The following CPNE4 variants were observed in gnomAD, a reference collection of about 807,000 sequenced individuals.
The protein encoded by CPNE4 is copine-4.
A neutral mutation model predicts 67.9 loss-of-function variants in CPNE4; 25 were observed. That is an observed-to-expected ratio of 0.37 (90% CI 0.27 to 0.51). The LOEUF (loss-of-function observed/expected upper bound fraction) is 0.51. CPNE4 is among the 20% of genes least tolerant of loss of function. The probability of loss-of-function intolerance (pLI) is 0.93; values close to 1 mark genes in which losing one functional copy is unlikely to be tolerated. For synonymous variants in CPNE4, 242 were observed against 244.9 expected (o/e 0.99, Z 0.11); for missense variants, 464 against 690.8 (o/e 0.67, Z 3.68).
intron 1 of CPNE4, among the ~76,000 whole-genome samples, chr3:131,967,941 T>C (rs2072398199): frequency 6.6e-6 from 1 of 152,152 alleles, no homozygotes; most frequent in African/African-American, 2.4e-5. Flanking sequence ...GGCATCATGC[T>C]ACCTCACTTC....
intron 2 of CPNE4, among the ~76,000 whole-genome samples, chr3:131,804,944 T>C (rs766143424): frequency 4.6e-5 from 7 of 152,240 alleles, no homozygotes; most frequent in Non-Finnish European, 1.0e-4. Flanking sequence ...ACTCACATAA[T>C]AGTGAGTTAA....
intron 2 of CPNE4, among the ~76,000 whole-genome samples, chr3:131,781,087 T>A (rs574548372): frequency 1.3e-5 from 2 of 151,500 alleles, no homozygotes; most frequent in Admixed American, 1.3e-4. Flanking sequence ...ATGAGGTGGC[T>A]GTGACAAAAA....
intron 1 of CPNE4, among the ~76,000 whole-genome samples, chr3:132,000,747 T>C (rs975388258): frequency 4.0e-4 from 60 of 151,650 alleles, no homozygotes; most frequent in African/African-American, 1.4e-3. Context: ...AACAGTAGCA[T>C]TTTAAATACA....
At chr3:131,554,734 A>C (rs1460037156) in intron 12 of CPNE4, among the ~76,000 whole-genome samples, 1 of 152,030 alleles carries the variant, frequency 6.6e-6, no homozygotes, top group Non-Finnish European at 1.5e-5. Flanking sequence ...AGAGAAATTG[A>C]GGATTGGGCA....
intron 6 of CPNE4, among the ~76,000 whole-genome samples, chr3:131,680,906 G>A (rs563012802): frequency 6.6e-6 from 1 of 152,260 alleles, no homozygotes; most frequent in South Asian, 2.1e-4. Context: ...CTGTAAGTGA[G>A]AACATATAAT....
intron 1 of CPNE4, among the ~76,000 whole-genome samples, chr3:132,011,366 C>T (rs886987683): frequency 3.9e-5 from 6 of 152,188 alleles, no homozygotes; most frequent in Non-Finnish European, 1.5e-5. Context: ...CACAGGATTC[C>T]TTGTAAAAAA....
intron 1 of CPNE4, among the ~76,000 whole-genome samples, chr3:132,032,972 C>T (rs983813267): frequency 6.6e-6 from 1 of 152,236 alleles, no homozygotes; most frequent in Non-Finnish European, 1.5e-5. Context: ...GGATTCAAAA[C>T]ACCTGTGTCA....
chr3:131,885,320 T>C (rs1316110619), intron 2 of CPNE4, among the ~76,000 whole-genome samples: 1 of 144,952 alleles, frequency 6.9e-6, no homozygotes, highest in Non-Finnish European at 1.5e-5. Context: ...TTAGGGTATC[T>C]GGTGGGAGAA....
At chr3:131,760,021 T>G (rs1415580695) in intron 2 of CPNE4, among the ~76,000 whole-genome samples, 1 of 152,188 alleles carries the variant, frequency 6.6e-6, no homozygotes, top group Non-Finnish European at 1.5e-5. Context: ...ATAAAGAAAA[T>G]TCTTTGCCAT....
At chr3:131,537,788 A>C (rs1210011237) in intron 15 of CPNE4, 4 of 157,804 alleles carry the variant, frequency 2.5e-5, no homozygotes, top group African/African-American at 7.2e-5. Flanking sequence ...AGCAAAGGGA[A>C]TCACAATGTG....
chr3:131,816,211 G>A (rs2084735502), intron 2 of CPNE4, among the ~76,000 whole-genome samples: 1 of 152,106 alleles, frequency 6.6e-6, no homozygotes, highest in African/African-American at 2.4e-5. Flanking sequence ...CCAAGTTTAG[G>A]ACAATAGGTT....
At chr3:131,866,492 C>T (rs1342383178) in intron 2 of CPNE4, among the ~76,000 whole-genome samples, 1 of 152,164 alleles carries the variant, frequency 6.6e-6, no homozygotes, top group East Asian at 1.9e-4. Context: ...TTTCAGGAAT[C>T]CCCTGCTCAG....
intron 2 of CPNE4, among the ~76,000 whole-genome samples, chr3:131,819,725 T>C (rs2107965604): frequency 6.6e-6 from 1 of 152,252 alleles, no homozygotes; most frequent in South Asian, 2.1e-4. Flanking sequence ...TTTGAAAATG[T>C]GTAAAAGCTG....
intron 2 of CPNE4, among the ~76,000 whole-genome samples, chr3:131,756,405 A>T (rs1378670335): frequency 1.3e-5 from 2 of 152,218 alleles, no homozygotes; most frequent in Non-Finnish European, 2.9e-5. Flanking sequence ...ATATCTCACT[A>T]TCTAGAGCCT....
chr3:131,753,204 G>A (rs1427035501), intron 2 of CPNE4, among the ~76,000 whole-genome samples: 1 of 151,768 alleles, frequency 6.6e-6, no homozygotes, highest in Non-Finnish European at 1.5e-5. Flanking sequence ...GTCCTCAACT[G>A]CCTAATAACC....
chr3:131,622,107 C>A lies in CPNE4; in HGVS notation c.682-34525G>T, dbSNP rs564201737. Among the ~76,000 whole-genome samples the A allele has an allele frequency of 3.8e-3, 573 of 151,366 alleles. 3 individuals carry two copies. Among genetic ancestry groups the A allele is most frequent in the African/African-American group, 0.013 (525 of 41,276 alleles). ...CAATGTGTCTTTCCCTAATTGTAAT[C>A]AATCAGCTTCTTAAGCCCATGTCTC... On this transcript the variant is annotated intron_variant, in intron 7 of 15. Transcript: ENST00000429747.
rs571002130 is a variant in CPNE4, at chr3:132,017,261, G to T, written c.-2+17306C>A. Among the ~76,000 whole-genome samples, 9 of 152,108 alleles carry T rather than the reference G, an allele frequency of 5.9e-5. No homozygotes were observed. In the East Asian group the frequency reaches 1.7e-3, roughly 29 times the overall value. Reference sequence around the variant, plus strand: ...GACGAAAGGAAATGATAAAAGAGAAGAAAGTGGAGACGAGAAGGGAGGAGT... The same window carrying T: ...GACGAAAGGAAATGATAAAAGAGAATAAAGTGGAGACGAGAAGGGAGGAGT... On this transcript the variant is annotated intron_variant, in intron 1 of 15. Coordinates refer to ENST00000429747, the MANE Select transcript of CPNE4 (RefSeq NM_130808.3).
chr3:131,728,937 C>G (rs919705880), intron 2 of CPNE4, among the ~76,000 whole-genome samples: 1 of 146,994 alleles, frequency 6.8e-6, no homozygotes, highest in African/African-American at 2.5e-5. Flanking sequence ...GGCTTGTGTG[C>G]GGGGCAATGT....
intron 2 of CPNE4, among the ~76,000 whole-genome samples, chr3:131,796,611 C>G (rs1194038102): frequency 1.3e-5 from 2 of 152,228 alleles, no homozygotes; most frequent in Non-Finnish European, 2.9e-5. Flanking sequence ...CTGCCCCCTC[C>G]TCCCCAGGGT....
Sources: allele counts gnomAD v4.1 joint callset (sites outside exome capture counted in the v4.1 genomes callset), GRCh38; gene constraint gnomAD v4.1.1; transcripts MANE v1.5; gene names NCBI Gene and HGNC (gene_info 2026-07-23, HGNC 2026-07-21).